FAM178B: variants seen among roughly 807,000 people sequenced by gnomAD.
FAM178B encodes protein FAM178B.
FAM178B carries 82 observed loss-of-function variants against 91.7 expected under a neutral mutation model. The observed-to-expected ratio is 0.89, with a 90% confidence interval of 0.75 to 1.07. The LOEUF (loss-of-function observed/expected upper bound fraction) is 1.07. Ranked by LOEUF, FAM178B falls within the 50% of genes least tolerant of loss-of-function variation. The pLI is 0.00. For missense variants in FAM178B, 769 were observed against 846.7 expected, an observed-to-expected ratio of 0.91 and a Z score of 1.14; for synonymous variants, 368 against 359.4, an observed-to-expected ratio of 1.02 and a Z score of -0.27.
intron 8 of FAM178B, among the ~76,000 whole-genome samples, chr2:96,941,234 TTCTC>T (rs1479097160): frequency 1.3e-5 from 2 of 152,214 alleles, no homozygotes; most frequent in Non-Finnish European, 2.9e-5. Context: ...TTTTGCATCT[TTCTC>T]TATTATTTAA....
chr2:96,938,493 G>GCA (rs1006561998), intron 8 of FAM178B, among the ~76,000 whole-genome samples: 1 of 152,186 alleles, frequency 6.6e-6, no homozygotes, highest in African/African-American at 2.4e-5. Context: ...GGACCAGAGA[G>GCA]CACATCAGAG....
intron 4 of FAM178B, among the ~76,000 whole-genome samples, chr2:96,969,063 T>C (rs2082183313): frequency 6.6e-6 from 1 of 152,200 alleles, no homozygotes; most frequent in Non-Finnish European, 1.5e-5. Context: ...CCGGGTTAAG[T>C]TAGGTGTCAC....
At chr2:96,877,433 T>C (rs1303997445) in intron 16 of FAM178B, among the ~76,000 whole-genome samples, 2 of 151,718 alleles carry the variant, frequency 1.3e-5, no homozygotes, top group Non-Finnish European at 2.9e-5. Flanking sequence ...GATGGAGTCT[T>C]GCCCTGTCGC....
At position 96,974,480 on chromosome 2, in the gene FAM178B, A is replaced by G. The variant is rs75514725; in HGVS notation, c.74-1874T>C. Among the ~76,000 whole-genome samples, 239 of 152,076 alleles carry G rather than the reference A, an allele frequency of 1.6e-3. 7 individuals are homozygous for G. The East Asian group carries it at 0.042, about 27-fold the overall frequency. ...AAGGCATTAATGGAAGAAAAAGAAA[A>G]ATATATAGAAAACAAATAGCAAAAT... On this transcript the variant is annotated intron_variant, in intron 1 of 16. Transcript: ENST00000490605.
rs570765256 is a variant in FAM178B at position 96,960,527 on chromosome 2, G to A, written c.735-87C>T. 17 of 1,412,316 alleles carry A rather than the reference G, an allele frequency of 1.2e-5. No homozygotes were observed. The African/African-American group carries it at 2.2e-4, about 18-fold the overall frequency. The allele number at this position is 1,412,316 out of a possible 1,614,324, so 87.5% of individuals were successfully genotyped here. ...CCATTAGCCCAGGGAAGGATAGAGG[G>A]GGGCCACGGGCTCCCTGCCTTGCAG... is the stretch of plus-strand genomic sequence containing the variant. On this transcript the variant is annotated intron_variant, in intron 5 of 16. Transcript: ENST00000490605.
chr2:96,881,582 T>G (rs1441594769), intron 14 of FAM178B, among the ~76,000 whole-genome samples: 2 of 151,682 alleles, frequency 1.3e-5, no homozygotes, highest in Admixed American at 1.3e-4. Context: ...GAACTTCCCC[T>G]CCTAGAAGGA....
At chr2:96,936,777 C>A (rs926456521) in intron 8 of FAM178B, among the ~76,000 whole-genome samples, 3 of 151,988 alleles carry the variant, frequency 2.0e-5, no homozygotes, top group African/African-American at 7.2e-5. Context: ...TCCCAAAATG[C>A]TGGGATTACA....
In FAM178B at chr2:96,928,452, T is replaced by C. The variant is rs149599357; in HGVS notation, c.1193+754A>G. ...GGGACCAGGCATAGGCAAATGATCA[T>C]GACTGTCCACGAGCAAGTCAGCCCG... On this transcript the variant is annotated intron_variant, in intron 9 of 16. Transcript: ENST00000490605. 3.7e-3 allele frequency among the ~76,000 whole-genome samples: 561 copies of C among 152,304 alleles called. 5 individuals carry two copies. The highest frequency in any genetic ancestry group is 0.013 in the African/African-American group (550 of 41,560).
intron 8 of FAM178B, among the ~76,000 whole-genome samples, chr2:96,935,379 C>T (rs1458837227): frequency 1.3e-5 from 2 of 152,112 alleles, no homozygotes; most frequent in East Asian, 1.9e-4. Context: ...CGGTCCAGCA[C>T]GGCTGGTAGA....
At chr2:96,929,169 T>C (rs1350669818) in intron 9 of FAM178B, 37 bp downstream of exon 9, 1 of 1,395,396 alleles carries the variant, frequency 7.2e-7, no homozygotes, top group Non-Finnish European at 9.9e-7. Flanking sequence ...TTAAAAAATA[T>C]GAAAGAAAAA....
intron 3 of FAM178B, among the ~76,000 whole-genome samples, chr2:96,971,406 A>C (rs1490373728): frequency 6.6e-6 from 1 of 151,734 alleles, no homozygotes; most frequent in African/African-American, 2.4e-5. Flanking sequence ...CATTCTTAGA[A>C]TAACTGTTCT....
chr2:96,891,597 C>A (rs2080682515), intron 14 of FAM178B, among the ~76,000 whole-genome samples: 1 of 152,196 alleles, frequency 6.6e-6, no homozygotes, highest in Admixed American at 6.5e-5. Flanking sequence ...GGACAGGGGG[C>A]AAGCAAAGGG....
chr2:96,960,586 GC>G, intron 5 of FAM178B, 146 bp from the exon 6 acceptor site: 4 of 939,392 alleles, frequency 4.3e-6, no homozygotes, highest in Non-Finnish European at 6.2e-6. Flanking sequence ...AGCGCCACCT[GC>G]TGATGGAGGA....
At chr2:96,960,535 G>C (rs978439054) in intron 5 of FAM178B, 95 bp from the exon 6 acceptor site, 11 of 1,382,448 alleles carry the variant, frequency 8.0e-6, no homozygotes, top group South Asian at 5.9e-5. Flanking sequence ...GGGGGGCCAC[G>C]GGCTCCCTGC....
At chr2:96,930,243 A>AAAAAAAAAAAAT (rs1559080293) in intron 8 of FAM178B, among the ~76,000 whole-genome samples, 2 of 137,512 alleles carry the variant, frequency 1.5e-5, no homozygotes, top group African/African-American at 5.3e-5. Context: ...AAAAAAAAAA[A>AAAAAAAAAAAAT]ATCTGACCAC....
intron 13 of FAM178B, chr2:96,895,293 T>A (rs1005144390): frequency 2.7e-6 from 1 of 371,602 alleles, no homozygotes; most frequent in African/African-American, 2.1e-5. Context: ...CCAACACCTG[T>A]GTTCAGTTTT....
At chr2:96,934,594 C>T (rs1006223823) in intron 8 of FAM178B, among the ~76,000 whole-genome samples, 4 of 152,272 alleles carry the variant, frequency 2.6e-5, no homozygotes, top group African/African-American at 9.6e-5. Flanking sequence ...TTTGTTGCCC[C>T]GATGACAGTG....
At position 96,876,036 on chromosome 2, in the gene FAM178B, G is replaced by A. The variant is rs985982582; in HGVS notation, c.*240C>T. The A allele has an allele frequency of 3.5e-6, 2 of 566,036 alleles. No individual in the cohort carries two copies. The highest frequency in any genetic ancestry group is 3.1e-5 in the Admixed American group (1 of 31,812). 35.1% of individuals were successfully genotyped at this position (566,036 alleles called of 1,614,324 possible). A position where few individuals can be genotyped will look rare whatever the true frequency, so the allele number is the denominator to read the frequency against. ...AGGAGATGGCTGGGAGGAGGGCTGA[G>A]GGGTGGGCGAGGCAGAGAGGCCCAT... is the stretch of plus-strand genomic sequence containing the variant. On this transcript the variant is annotated 3_prime_UTR_variant, in exon 17 of 17. Transcript: ENST00000490605.
At chr2:96,968,658 C>T (rs2082177743) in intron 4 of FAM178B, among the ~76,000 whole-genome samples, 1 of 149,100 alleles carries the variant, frequency 6.7e-6, no homozygotes, top group Non-Finnish European at 1.5e-5. Flanking sequence ...ACCAGAAGCC[C>T]CATCACCCTC....
Sources: gnomAD v4.1 joint callset for allele counts (sites outside exome capture counted in the v4.1 genomes callset) on GRCh38, gnomAD v4.1.1 for gene constraint, MANE v1.5 for transcripts, NCBI Gene and HGNC (gene_info 2026-07-23, HGNC 2026-07-21) for gene names.